Variants in FBXL7 observed in about 807,000 individuals in gnomAD.
FBXL7 encodes F-box/LRR-repeat protein 7.
Under a neutral mutation model 38.3 loss-of-function variants are expected in FBXL7, and 12 were observed. The observed-to-expected ratio is 0.31, with a 90% CI of 0.20 to 0.51. The LOEUF (loss-of-function observed/expected upper bound fraction) is 0.51. Ranked by LOEUF, FBXL7 falls within the 20% of genes least tolerant of loss-of-function variation. FBXL7 has a pLI of 0.98. For synonymous variants in FBXL7, 297 were observed against 300.9 expected (o/e 0.99, Z 0.13); for missense variants, 567 against 676.4 (o/e 0.84, Z 1.79).
intron 2 of FBXL7, among the ~76,000 whole-genome samples, chr5:15,771,770 ATT>A (rs35138853): frequency 0.1 from 11,711 of 113,324 alleles, 508 homozygotes; most frequent in Middle Eastern, 0.17. Context: ...GGATTAACAG[ATT>A]TTTTTTTTTT....
At chr5:15,653,932 A>G (rs145780905) in intron 2 of FBXL7, among the ~76,000 whole-genome samples, 4 of 152,298 alleles carry the variant, frequency 2.6e-5, no homozygotes, top group African/African-American at 9.6e-5. Context: ...TCAGTGTGGT[A>G]TTTATTTACA....
chr5:15,880,002 C>A (rs1295862205), intron 2 of FBXL7, among the ~76,000 whole-genome samples: 2 of 152,018 alleles, frequency 1.3e-5, no homozygotes, highest in Admixed American at 1.3e-4. Context: ...GGGTCAATCA[C>A]TATCCCTCCA....
chr5:15,505,238 A>C (rs182549106), intron 1 of FBXL7, among the ~76,000 whole-genome samples: 18 of 152,292 alleles, frequency 1.2e-4, no homozygotes, highest in African/African-American at 4.3e-4. Flanking sequence ...GACCCACTTC[A>C]TCCTCGCAAG....
At chr5:15,570,765 G>A (rs1447951349) in intron 1 of FBXL7, among the ~76,000 whole-genome samples, 1 of 152,170 alleles carries the variant, frequency 6.6e-6, no homozygotes, top group East Asian at 1.9e-4. Flanking sequence ...ACTGAACTGT[G>A]TGTGCTGGTT....
chr5:15,925,376 TG>T (rs1741854081), intron 2 of FBXL7, among the ~76,000 whole-genome samples: 1 of 152,180 alleles, frequency 6.6e-6, no homozygotes, highest in Non-Finnish European at 1.5e-5. Context: ...CATGGGAGGT[TG>T]GGGCAGCACA....
In FBXL7 at chr5:15,937,002, A is replaced by T; in HGVS notation, c.1292A>T (p.Lys431Met). ...CTGGCCCTGAACTGCTTCAACCTCA[A>T]GCGGCTCAGCCTCAAGTCCTGCGAG... ...ECLALNCFNL[K>M]RLSLKSCESI... Residue 431 changes from lysine (K) to methionine (M), a missense_variant, in exon 4 of 4, where the codon AAG becomes ATG. Coordinates refer to ENST00000504595, the MANE Select transcript of FBXL7 (RefSeq NM_012304.5). 1.2e-6 allele frequency: 2 copies of T among 1,613,940 alleles called. No homozygotes were observed. The highest frequency in any genetic ancestry group is 1.7e-6 in the Non-Finnish European group (2 of 1,179,876).
chr5:15,690,943 T>A (rs992725982), intron 2 of FBXL7, among the ~76,000 whole-genome samples: 5 of 152,202 alleles, frequency 3.3e-5, no homozygotes, highest in African/African-American at 1.2e-4. Context: ...TGGAGTGTTA[T>A]CAGTTTTTGA....
At chr5:15,612,812 C>A (rs540613607) in intron 1 of FBXL7, among the ~76,000 whole-genome samples, 1 of 152,166 alleles carries the variant, frequency 6.6e-6, no homozygotes, top group Non-Finnish European at 1.5e-5. Flanking sequence ...AGGTTGAGTC[C>A]TCACGCAGCC....
chr5:15,560,651 G>T (rs1197748298), intron 1 of FBXL7, among the ~76,000 whole-genome samples: 1 of 152,100 alleles, frequency 6.6e-6, no homozygotes, highest in Non-Finnish European at 1.5e-5. Flanking sequence ...ATGCAAAACT[G>T]TATGCCCGTG....
chr5:15,648,702 T>C (rs1382332912), intron 2 of FBXL7, among the ~76,000 whole-genome samples: 2 of 152,222 alleles, frequency 1.3e-5, no homozygotes, highest in African/African-American at 4.8e-5. Flanking sequence ...TCAAGCTCTT[T>C]TAGCCACAGT....
At chr5:15,872,688 A>G (rs1740018808) in intron 2 of FBXL7, among the ~76,000 whole-genome samples, 2 of 152,130 alleles carry the variant, frequency 1.3e-5, no homozygotes, top group African/African-American at 2.4e-5. Flanking sequence ...AGACAGAAGG[A>G]CATTACATAA....
chr5:15,587,844 G>T (rs1045679309), intron 1 of FBXL7, among the ~76,000 whole-genome samples: 53 of 152,224 alleles, frequency 3.5e-4, no homozygotes, highest in African/African-American at 1.2e-3. Flanking sequence ...TCAAATAAAA[G>T]AAAAAGTCAT....
Position 15,928,169 on chromosome 5 carries a change from G to C in FBXL7, c.407G>C (p.Arg136Pro), listed in dbSNP as rs550772953. The C allele has an allele frequency of 4.3e-6, 7 of 1,609,580 alleles. No homozygotes were observed. The highest frequency in any genetic ancestry group is 5.9e-6 in the Non-Finnish European group (7 of 1,178,496). Residue 136 changes from arginine to proline, a missense_variant, in exon 3 of 4, where the codon CGC becomes CCC. Transcript: ENST00000504595. This position sits in a 1 kb window ranked among gnomAD's most constrained non-coding sequence, Gnocchi z 4.0. ...TTCCTGCCCACCAACCAGCTGTGCC[G>C]CTGCGCGCGAGTGTGCCGCCGCTGG... is the stretch of plus-strand genomic sequence containing the variant. ...FSFLPTNQLC[R>P]CARVCRRWYN...
intron 2 of FBXL7, among the ~76,000 whole-genome samples, chr5:15,711,603 A>G (rs1743875628): frequency 6.6e-6 from 1 of 152,178 alleles, no homozygotes; most frequent in Admixed American, 6.5e-5. Context: ...TATGGCATTA[A>G]GGATGTTGAA....
intron 2 of FBXL7, among the ~76,000 whole-genome samples, chr5:15,706,508 G>A (rs906616504): frequency 1.3e-5 from 2 of 152,278 alleles, no homozygotes; most frequent in African/African-American, 4.8e-5. Flanking sequence ...TTTTAACAAT[G>A]CAAGCTAATA....
chr5:15,902,287 G>A lies in FBXL7; in HGVS notation c.128-25603G>A, dbSNP rs191527723. ...TTTAGAAGGCTCAGAAGCCCCAACC[G>A]TGAAGCCCTAGAGTTCTTCCTGTCT... is the stretch of plus-strand genomic sequence containing the variant. On this transcript the variant is annotated intron_variant, in intron 2 of 3. Transcript: ENST00000504595. Among the ~76,000 whole-genome samples the A allele has an allele frequency of 1.1e-4, 16 of 152,304 alleles. No homozygotes were observed. The East Asian group carries it at 1.9e-3, about 18-fold the overall frequency.
At chr5:15,750,278 T>C (rs1252251748) in intron 2 of FBXL7, among the ~76,000 whole-genome samples, 1 of 152,232 alleles carries the variant, frequency 6.6e-6, no homozygotes, top group African/African-American at 2.4e-5. Context: ...AATAAATTAC[T>C]CAACATTTCT....
chr5:15,887,826 T>C (rs900644000), intron 2 of FBXL7, among the ~76,000 whole-genome samples: 1 of 152,202 alleles, frequency 6.6e-6, no homozygotes, highest in East Asian at 1.9e-4. Context: ...TAAATACATA[T>C]GTGTTGTTTC....
chr5:15,583,762 C>G (rs759201703), intron 1 of FBXL7, among the ~76,000 whole-genome samples: 7 of 152,194 alleles, frequency 4.6e-5, no homozygotes, highest in Non-Finnish European at 7.3e-5. Flanking sequence ...ATCTACCATT[C>G]TGGGCTCTGG....
Sources: allele counts gnomAD v4.1 joint callset (sites outside exome capture counted in the v4.1 genomes callset), GRCh38; gene constraint gnomAD v4.1.1; non-coding constraint Gnocchi (gnomAD v3.1); transcripts MANE v1.5; gene names NCBI Gene and HGNC (gene_info 2026-07-23, HGNC 2026-07-21).